TPR: variants seen among roughly 807,000 people sequenced by gnomAD.
TPR encodes the protein nucleoprotein TPR.
TPR carries 51 observed loss-of-function variants against 316.1 expected under a neutral mutation model. That is an observed-to-expected ratio of 0.16 (90% CI 0.13 to 0.20). The LOEUF is 0.20. Among genes scored for constraint, TPR ranks in the 10% least tolerant of loss-of-function variants. The pLI is 1.00. For synonymous variants in TPR, 981 were observed against 914.7 expected, an observed-to-expected ratio of 1.07 and a Z score of -1.31; for missense variants, 2,272 against 2,754.8, an observed-to-expected ratio of 0.82 and a Z score of 3.92.
At chr1:186,332,576 C>T (rs1043580093) in intron 37 of TPR, among the ~76,000 whole-genome samples, 15 of 151,966 alleles carry the variant, frequency 9.9e-5, no homozygotes, top group Admixed American at 6.6e-4. Flanking sequence ...GTTTTTATAC[C>T]AACCCAAGCT....
chr1:186,327,811 C>T (rs923364792), intron 39 of TPR, 151 bp from the exon 40 acceptor site: 13 of 689,628 alleles, frequency 1.9e-5, no homozygotes, highest in African/African-American at 1.5e-4. Context: ...GAGACAGTCT[C>T]GCTCTTGTCA....
At chr1:186,356,526 G>A (rs1270359517) in intron 14 of TPR, 77 bp from the exon 15 acceptor site, 21 of 1,356,340 alleles carry the variant, frequency 1.5e-5, no homozygotes, top group Non-Finnish European at 1.9e-5. Flanking sequence ...AATTAACCAA[G>A]CATCTTTGCC....
intron 2 of TPR, among the ~76,000 whole-genome samples, chr1:186,371,881 G>A (rs1659539008): frequency 6.6e-6 from 1 of 151,910 alleles, no homozygotes; most frequent in African/African-American, 2.4e-5. Context: ...CACATTAACT[G>A]TATACCACAG....
chr1:186,318,779 T>C lies in TPR; in HGVS notation c.6618A>G (p.Ser2206=), dbSNP rs1027672162. Residue 2206 remains serine, a synonymous_variant, in exon 47 of 51, where the codon TCA becomes TCG. Coordinates refer to ENST00000367478, the MANE Select transcript of TPR (RefSeq NM_003292.3). The part of the protein sequence containing the change: ...TPLFLAHEEE[S]GGRSVPTTPL... ...GAGTAGTGGGAACACTTCGGCCACC[T>C]GACTCTTCTTCATGAGCTAGGAACA... 1.9e-6 allele frequency: 3 copies of C among 1,614,220 alleles called. No individual in the cohort carries two copies. The highest frequency in any genetic ancestry group is 2.5e-6 in the Non-Finnish European group (3 of 1,180,034).
At position 186,362,382 on chromosome 1, in the gene TPR, TA is replaced by T. The variant is rs770820606; in HGVS notation, c.697-3del. On this transcript the variant is annotated splice_polypyrimidine_tract_variant and splice_region_variant and intron_variant, in intron 6 of 50. Transcript: ENST00000367478. The stretch of plus-strand genomic sequence containing the variant: ...CATTTGTTCTTCCAGTCTAGAAACC[TA>T]AAAACAAAAAATAGAGCAGGGGGAA... The T allele has an allele frequency of 6.2e-7, 1 of 1,607,878 alleles. No individual in the cohort carries two copies. Among genetic ancestry groups the T allele is most frequent in the Non-Finnish European group, 8.5e-7 (1 of 1,175,658 alleles).
At chr1:186,367,354 C>T (rs927241760) in intron 4 of TPR, among the ~76,000 whole-genome samples, 2 of 152,126 alleles carry the variant, frequency 1.3e-5, no homozygotes, top group Non-Finnish European at 1.5e-5. Flanking sequence ...CGTCAGCCAC[C>T]GTGCCTGGGC....
intron 4 of TPR, among the ~76,000 whole-genome samples, chr1:186,367,233 T>C (rs1019293335): frequency 6.6e-6 from 1 of 151,774 alleles, no homozygotes; most frequent in Non-Finnish European, 1.5e-5. Flanking sequence ...GACTGGCTAA[T>C]TTCTGTTATT....
chr1:186,348,203 CA>C (rs1658739954), intron 21 of TPR, among the ~76,000 whole-genome samples: 2 of 152,062 alleles, frequency 1.3e-5, no homozygotes, highest in African/African-American at 4.8e-5. Context: ...CTTTTCCTAG[CA>C]AGGAATATTA....
intron 39 of TPR, among the ~76,000 whole-genome samples, chr1:186,330,685 G>A (rs1194053092): frequency 6.6e-6 from 1 of 152,088 alleles, no homozygotes; most frequent in Non-Finnish European, 1.5e-5. Context: ...TGTGAAGACA[G>A]AACACCTTTG....
intron 34 of TPR, 94 bp from the exon 35 acceptor site, chr1:186,335,223 C>A: frequency 6.5e-7 from 1 of 1,547,216 alleles, no homozygotes; most frequent in Non-Finnish European, 8.8e-7. Context: ...ATTCTCTCCG[C>A]ATATATTGAA....
chr1:186,371,944 T>C (rs1659541585), intron 2 of TPR, among the ~76,000 whole-genome samples: 1 of 152,168 alleles, frequency 6.6e-6, no homozygotes, highest in Admixed American at 6.6e-5. Context: ...CTCCCAGATC[T>C]CGTAAAAGCT....
chr1:186,373,028 C>T (rs1156814091), intron 2 of TPR, among the ~76,000 whole-genome samples: 1 of 152,196 alleles, frequency 6.6e-6, no homozygotes, highest in Non-Finnish European at 1.5e-5. Context: ...GAACTCTTAT[C>T]TCATTTGATT....
chr1:186,345,379 T>C (rs768907718), intron 24 of TPR, among the ~76,000 whole-genome samples: 3 of 152,202 alleles, frequency 2.0e-5, no homozygotes, highest in Non-Finnish European at 4.4e-5. Flanking sequence ...ATTGTCAAGA[T>C]TGCTTTGTTA....
At chr1:186,340,963 C>T in intron 29 of TPR, 65 bp downstream of exon 29, 1 of 1,562,028 alleles carries the variant, frequency 6.4e-7, no homozygotes. Flanking sequence ...TTTTATTCCC[C>T]TAAGTTTCCC....
chr1:186,336,834 A>C, intron 32 of TPR, 140 bp from the exon 33 acceptor site: 3 of 1,320,716 alleles, frequency 2.3e-6, no homozygotes, highest in Non-Finnish European at 2.1e-6. Flanking sequence ...TGGTGGTCAG[A>C]CCAACTAAAT....
intron 21 of TPR, among the ~76,000 whole-genome samples, chr1:186,349,807 T>C (rs1658805543): frequency 6.6e-6 from 1 of 152,112 alleles, no homozygotes; most frequent in South Asian, 2.1e-4. Context: ...CGAGCAAATA[T>C]TGGGAATACT....
chr1:186,358,423 A>C (rs1410692391), intron 13 of TPR, 120 bp downstream of exon 13: 14 of 691,322 alleles, frequency 2.0e-5, no homozygotes, highest in Non-Finnish European at 3.3e-5. Flanking sequence ...CTCGAGTACT[A>C]TTCCTAATTA....
Position 186,356,598 on chromosome 1 carries a change from A to C in TPR, c.1725-149T>G. ...TTTTTTTCATGCTGAGTATTTTATG[A>C]ACTACTTTTTAAATCCCCACCACAC... On this transcript the variant is annotated intron_variant, in intron 14 of 50. Coordinates refer to ENST00000367478, the MANE Select transcript of TPR (RefSeq NM_003292.3). 3 of 712,630 alleles carry C rather than the reference A, an allele frequency of 4.2e-6. No homozygotes were observed. The South Asian group carries it at 7.2e-5, about 17-fold the overall frequency. The allele number at this position is 712,630 out of a possible 1,614,324, so 44.1% of individuals were successfully genotyped here. A position where few individuals can be genotyped will look rare whatever the true frequency, so the allele number is the denominator to read the frequency against.
intron 23 of TPR, 123 bp from the exon 24 acceptor site, chr1:186,345,819 GC>G: frequency 2.8e-6 from 2 of 707,266 alleles, no homozygotes; most frequent in Admixed American, 5.9e-5. Context: ...AAAAACTGCT[GC>G]TAAATTTAAA....
Sources: allele counts gnomAD v4.1 joint callset (sites outside exome capture counted in the v4.1 genomes callset), GRCh38; gene constraint gnomAD v4.1.1; transcripts MANE v1.5; gene names NCBI Gene and HGNC (gene_info 2026-07-23, HGNC 2026-07-21).